Variants in SEC24B observed in about 807,000 individuals in gnomAD.
SEC24B encodes the protein SEC24 homolog B, COPII component.
A neutral mutation model predicts 142.8 loss-of-function variants in SEC24B; 45 were observed. The ratio of observed to expected loss-of-function variants is 0.32; its 90% CI spans 0.25 to 0.40. SEC24B has a LOEUF of 0.40. SEC24B is among the 10% of genes least tolerant of loss of function. The pLI is 1.00. For missense variants in SEC24B, 1,409 were observed against 1,526.8 expected (o/e 0.92, Z 1.29); for synonymous variants, 574 against 568.2 (o/e 1.01, Z -0.15).
rs532337887 is a variant in SEC24B, at chr4:109,503,476, G to A, written c.1489-2852G>A. On this transcript the variant is annotated intron_variant, in intron 6 of 23. Coordinates refer to ENST00000265175, the MANE Select transcript of SEC24B (RefSeq NM_006323.5). ...CCTGACCTCATGATCCACCCACCTC[G>A]GCCTTCCAAAGTGCTGGGATTACAG... 9.2e-5 allele frequency among the ~76,000 whole-genome samples: 14 copies of A among 151,936 alleles called. No individual in the cohort carries two copies. In the East Asian group the frequency reaches 2.3e-3, roughly 25 times the overall value.
Position 109,434,307 on chromosome 4 carries a change from G to T in SEC24B, c.133+305G>T, listed in dbSNP as rs115096670. Among the ~76,000 whole-genome samples, 1,327 of 152,276 alleles carry T rather than the reference G, an allele frequency of 8.7e-3. 24 individuals carry two copies. Among genetic ancestry groups the T allele is most frequent in the African/African-American group, 0.03 (1,267 of 41,572 alleles). ...CCCCAGGCCCGAAACGGCCTCGGGC[G>T]AGTAGGGGCGACTGAAAAGCTGGGA... On this transcript the variant is annotated intron_variant, in intron 1 of 23. Transcript: ENST00000265175.
chr4:109,517,157 T>G (rs767468121), intron 11 of SEC24B, among the ~76,000 whole-genome samples: 1 of 152,218 alleles, frequency 6.6e-6, no homozygotes, highest in Non-Finnish European at 1.5e-5. Context: ...GTGGAAGATA[T>G]ATCTGCACTC....
At chr4:109,508,908 G>A (rs1246001464) in intron 7 of SEC24B, among the ~76,000 whole-genome samples, 2 of 152,188 alleles carry the variant, frequency 1.3e-5, no homozygotes, top group Admixed American at 1.3e-4. Flanking sequence ...TGGGGATAAA[G>A]TTGTGAACAA....
intron 1 of SEC24B, among the ~76,000 whole-genome samples, chr4:109,462,678 G>A (rs1222935975): frequency 1.3e-5 from 2 of 152,132 alleles, no homozygotes; most frequent in Non-Finnish European, 2.9e-5. Context: ...ACCAGTCCTG[G>A]TACATTGTGA....
chr4:109,471,261 G>A (rs990395569), intron 2 of SEC24B, among the ~76,000 whole-genome samples: 1 of 152,030 alleles, frequency 6.6e-6, no homozygotes, highest in East Asian at 1.9e-4. Context: ...TCCCACCTCA[G>A]CCTCACCAGT....
At chr4:109,452,379 A>G (rs1172441594) in intron 1 of SEC24B, among the ~76,000 whole-genome samples, 1 of 152,250 alleles carries the variant, frequency 6.6e-6, no homozygotes, top group Non-Finnish European at 1.5e-5. Flanking sequence ...AAGCTACCAT[A>G]AACATTCATG....
At chr4:109,512,518 T>G (rs955019754) in intron 9 of SEC24B, among the ~76,000 whole-genome samples, 16 of 152,318 alleles carry the variant, frequency 1.1e-4, no homozygotes, top group African/African-American at 3.8e-4. Flanking sequence ...TTCAAATTTA[T>G]GTTTCTCTGT....
chr4:109,528,603 T>G (rs1283931244), intron 18 of SEC24B, among the ~76,000 whole-genome samples: 1 of 152,188 alleles, frequency 6.6e-6, no homozygotes, highest in Non-Finnish European at 1.5e-5. Flanking sequence ...GTATCCTGAT[T>G]GTGGTAGAGA....
chr4:109,476,930 GA>G (rs1246777665), intron 3 of SEC24B, among the ~76,000 whole-genome samples: 2 of 151,870 alleles, frequency 1.3e-5, no homozygotes, highest in African/African-American at 4.8e-5. Flanking sequence ...GAGGTCAGGA[GA>G]TCGAGACCAT....
rs753893316 is a variant in SEC24B at position 109,532,626 on chromosome 4, T to C, written c.3391-13T>C. On this transcript the variant is annotated splice_polypyrimidine_tract_variant and intron_variant, in intron 20 of 23. Coordinates refer to ENST00000265175, the MANE Select transcript of SEC24B (RefSeq NM_006323.5). ...AATGTAATCTCATTCACATTCTCTC[T>C]TTTTCTTTTCAGGGTGCAGTACATG... The C allele has an allele frequency of 1.2e-6, 2 of 1,602,098 alleles. No individual in the cohort carries two copies. Among genetic ancestry groups the C allele is most frequent in the South Asian group, 2.2e-5 (2 of 90,750 alleles).
chr4:109,506,782 A>G (rs1736732339), intron 7 of SEC24B, among the ~76,000 whole-genome samples: 1 of 152,118 alleles, frequency 6.6e-6, no homozygotes, highest in African/African-American at 2.4e-5. Flanking sequence ...ATATAACTAT[A>G]TTTTTTATTT....
At chr4:109,491,482 T>C in intron 5 of SEC24B, 75 bp downstream of exon 5, 1 of 1,071,592 alleles carries the variant, frequency 9.3e-7, no homozygotes. Flanking sequence ...TGTGAACATG[T>C]ATTACACATA....
intron 7 of SEC24B, among the ~76,000 whole-genome samples, chr4:109,508,596 A>G (rs959825277): frequency 6.6e-6 from 1 of 152,156 alleles, no homozygotes; most frequent in East Asian, 1.9e-4. Flanking sequence ...AAAAAAAAAT[A>G]TGTTGCATAT....
At chr4:109,507,543 G>A (rs1276017001) in intron 7 of SEC24B, among the ~76,000 whole-genome samples, 2 of 152,014 alleles carry the variant, frequency 1.3e-5, no homozygotes, top group Non-Finnish European at 2.9e-5. Flanking sequence ...CAAAGTGGTG[G>A]GATTATAGGT....
At chr4:109,454,019 G>A (rs370420471) in intron 1 of SEC24B, among the ~76,000 whole-genome samples, 4 of 152,096 alleles carry the variant, frequency 2.6e-5, no homozygotes, top group South Asian at 2.1e-4. Context: ...CACCACACCC[G>A]TTTAATTTTT....
intron 4 of SEC24B, among the ~76,000 whole-genome samples, chr4:109,484,956 T>C (rs6854516): frequency 0.12 from 17,923 of 152,080 alleles, 3,517 homozygotes; most frequent in African/African-American, 0.41. Context: ...TGAGTTTTTA[T>C]GGCATTTGGA....
chr4:109,463,663 TC>T lies in SEC24B; in HGVS notation c.877+20del, dbSNP rs759810895. On this transcript the variant is annotated intron_variant, in intron 2 of 23. Coordinates refer to ENST00000265175, the MANE Select transcript of SEC24B (RefSeq NM_006323.5). ...ATTACTGGTAGGTTGAATGAAAAGT[TC>T]ACCAAAACATGTTTGAAAATCAGTG... The T allele has an allele frequency of 1.3e-6, 2 of 1,598,826 alleles. No homozygotes were observed. Among genetic ancestry groups the T allele is most frequent in the Non-Finnish European group, 1.7e-6 (2 of 1,170,454 alleles).
intron 1 of SEC24B, among the ~76,000 whole-genome samples, chr4:109,445,398 C>T (rs940467969): frequency 2.2e-5 from 3 of 135,428 alleles, no homozygotes; most frequent in East Asian, 2.2e-4. Context: ...CGCCCGCCAC[C>T]ACGCCCAGCT....
At position 109,521,478 on chromosome 4, in the gene SEC24B, A is replaced by G. The variant is rs752672364; in HGVS notation, c.2360A>G (p.His787Arg). 2 of 1,614,188 alleles carry G rather than the reference A, an allele frequency of 1.2e-6. No individual in the cohort carries two copies. The highest frequency in any genetic ancestry group is 1.7e-6 in the Non-Finnish European group (2 of 1,180,012). ...ATGTTCACCAATACAAGAGAAACAC[A>G]CAGTGCCCTTGGTCCTGCACTTCAG... Reference protein sequence around the residue: ...PNMFTNTRETHSALGPALQAA... With the variant: ...PNMFTNTRETRSALGPALQAA... The change falls in exon 14 of 24, where the codon CAC becomes CGC. Residue 787 changes from histidine (H) to arginine (R), a missense_variant. By Grantham distance (29) the His-to-Arg change is conservative. Coordinates refer to ENST00000265175, the MANE Select transcript of SEC24B (RefSeq NM_006323.5).
Sources: allele counts gnomAD v4.1 joint callset (sites outside exome capture counted in the v4.1 genomes callset), GRCh38; gene constraint gnomAD v4.1.1; transcripts MANE v1.5; gene names NCBI Gene and HGNC (gene_info 2026-07-23, HGNC 2026-07-21).